Variants in ITSN2 observed in about 807,000 individuals in gnomAD.
The protein encoded by ITSN2 is intersectin 2, also known as intersectin-2.
Under a neutral mutation model 243.7 loss-of-function variants are expected in ITSN2, and 156 were observed. The ratio of observed to expected loss-of-function variants is 0.64; its 90% CI spans 0.56 to 0.73. ITSN2 has a LOEUF of 0.73. Among genes scored for constraint, ITSN2 ranks in the 30% least tolerant of loss-of-function variants. ITSN2 has a pLI of 0.00. For missense variants in ITSN2, 1,801 were observed against 1,996.1 expected (o/e 0.90, Z 1.86); for synonymous variants, 703 against 699.9 (o/e 1.00, Z -0.07).
chr2:24,204,618 T>TG lies in ITSN2; in HGVS notation c.4763-201dup. On this transcript the variant is annotated intron_variant, in intron 38 of 39. Transcript: ENST00000355123. This position sits in a 1 kb window ranked among gnomAD's most constrained non-coding sequence, Gnocchi z 5.1. ...TCCCAGTGCTGACAGCAGCATTAAC[T>TG]GGGGAGTGGCCGAGAGCTCCACCGC... The TG allele has an allele frequency of 1.5e-6, 1 of 663,356 alleles. No homozygotes were observed. Among genetic ancestry groups the TG allele is most frequent in the Non-Finnish European group, 2.8e-6 (1 of 360,646 alleles). 41.1% of individuals were successfully genotyped at this position (663,356 alleles called of 1,614,324 possible).
At position 24,246,324 on chromosome 2, in the gene ITSN2, T is replaced by G. The variant is rs757009006; in HGVS notation, c.3386-4A>C. 6.3e-7 allele frequency: 1 copy of G among 1,578,218 alleles called. No individual in the cohort carries two copies. ...TACATAGCAATCACCTGACATACTATCACAAGAATAACAAAATAACACATT... is the reference window on the plus strand; with the variant it reads ...TACATAGCAATCACCTGACATACTAGCACAAGAATAACAAAATAACACATT... On this transcript the variant is annotated splice_polypyrimidine_tract_variant and splice_region_variant and intron_variant, in intron 28 of 39. Coordinates refer to ENST00000355123, the MANE Select transcript of ITSN2 (RefSeq NM_006277.3).
At chr2:24,357,686 TA>T (rs1188565720) in intron 1 of ITSN2, among the ~76,000 whole-genome samples, 1 of 152,064 alleles carries the variant, frequency 6.6e-6, no homozygotes, top group African/African-American at 2.4e-5. Flanking sequence ...AAAAAGGTAC[TA>T]AAAAAACTTG....
chr2:24,302,172 AT>A, intron 9 of ITSN2, 70 bp from the exon 10 acceptor site: 3 of 916,268 alleles, frequency 3.3e-6, no homozygotes, highest in Non-Finnish European at 4.7e-6. Flanking sequence ...TAAAAGTTCA[AT>A]TTTTATTTTA....
At chr2:24,344,331 T>C (rs924668457) in intron 1 of ITSN2, among the ~76,000 whole-genome samples, 3 of 152,212 alleles carry the variant, frequency 2.0e-5, no homozygotes, top group Non-Finnish European at 4.4e-5. Flanking sequence ...GTAGAATTAA[T>C]GGGTATCAAG....
intron 29 of ITSN2, among the ~76,000 whole-genome samples, chr2:24,236,372 C>T (rs1672150055): frequency 6.6e-6 from 1 of 152,052 alleles, no homozygotes. Context: ...GGGGTGATAG[C>T]TAAATTGTAC....
At chr2:24,291,553 G>A (rs371696532) in intron 15 of ITSN2, among the ~76,000 whole-genome samples, 18 of 144,250 alleles carry the variant, frequency 1.2e-4, no homozygotes, top group African/African-American at 4.4e-4. Flanking sequence ...GCAGCGGTGC[G>A]ATCTCAGCTC....
chr2:24,209,055 C>G, intron 36 of ITSN2, 45 bp downstream of exon 36: 1 of 1,604,706 alleles, frequency 6.2e-7, no homozygotes, highest in Non-Finnish European at 8.5e-7. Context: ...GACGTCCAGG[C>G]CTTCTCCCAG....
intron 29 of ITSN2, among the ~76,000 whole-genome samples, chr2:24,234,954 C>G (rs918421154): frequency 6.6e-6 from 1 of 152,156 alleles, no homozygotes. Context: ...ACTAAACATA[C>G]TCTTAAACCA....
chr2:24,256,773 T>A (rs1334014224), intron 23 of ITSN2, among the ~76,000 whole-genome samples: 1 of 152,096 alleles, frequency 6.6e-6, no homozygotes, highest in African/African-American at 2.4e-5. Context: ...AAGACATGCA[T>A]CCCAGCCTCA....
intron 18 of ITSN2, among the ~76,000 whole-genome samples, chr2:24,273,264 C>T (rs1444011146): frequency 6.6e-6 from 1 of 152,174 alleles, no homozygotes; most frequent in African/African-American, 2.4e-5. Flanking sequence ...TCCAAACCTC[C>T]TTCATCCTCT....
chr2:24,242,113 T>C (rs1031930723), intron 29 of ITSN2: 1 of 152,564 alleles, frequency 6.6e-6, no homozygotes, highest in East Asian at 1.9e-4. Context: ...TAGGAGATAT[T>C]TGATCAGGGC....
intron 36 of ITSN2, 102 bp from the exon 37 acceptor site, chr2:24,208,421 A>C (rs764273882): frequency 2.4e-6 from 2 of 839,768 alleles, no homozygotes; most frequent in Non-Finnish European, 3.9e-6. Flanking sequence ...TGCTAACCTC[A>C]ACTTTCACAA....
intron 29 of ITSN2, among the ~76,000 whole-genome samples, chr2:24,228,921 T>C (rs566514066): frequency 6.6e-6 from 1 of 152,174 alleles, no homozygotes; most frequent in East Asian, 1.9e-4. Context: ...GAAAAAGCTA[T>C]CCAAATAAAA....
At chr2:24,278,986 T>C (rs959898912) in intron 17 of ITSN2, among the ~76,000 whole-genome samples, 7 of 152,228 alleles carry the variant, frequency 4.6e-5, no homozygotes, top group Admixed American at 3.3e-4. Flanking sequence ...TGATAGATTA[T>C]CTCTTTTACG....
At chr2:24,301,132 C>G in intron 11 of ITSN2, 22 bp downstream of exon 11, 2 of 1,358,116 alleles carry the variant, frequency 1.5e-6, no homozygotes, top group Non-Finnish European at 2.1e-6. Context: ...TATAAATATA[C>G]AACTTTGACA....
intron 15 of ITSN2, among the ~76,000 whole-genome samples, chr2:24,292,692 C>T (rs1377679861): frequency 6.6e-6 from 1 of 152,178 alleles, no homozygotes; most frequent in African/African-American, 2.4e-5. Flanking sequence ...TCTCTAGAGA[C>T]TTAACTGCCC....
intron 20 of ITSN2, among the ~76,000 whole-genome samples, chr2:24,269,302 C>T (rs1177863315): frequency 6.6e-6 from 1 of 152,164 alleles, no homozygotes; most frequent in Non-Finnish European, 1.5e-5. Context: ...TCTGGAGATC[C>T]AACTACTACT....
chr2:24,268,979 A>G (rs886695651), intron 20 of ITSN2, among the ~76,000 whole-genome samples: 5 of 152,044 alleles, frequency 3.3e-5, no homozygotes, highest in Non-Finnish European at 5.9e-5. Flanking sequence ...GCTATTGCTA[A>G]TCTAATAATT....
Position 24,252,468 on chromosome 2 carries a change from A to C in ITSN2, c.2997T>G (p.Asp999Glu). The C allele has an allele frequency of 6.2e-7, 1 of 1,612,844 alleles. No individual in the cohort carries two copies. The highest frequency in any genetic ancestry group is 8.5e-7 in the Non-Finnish European group (1 of 1,179,014). The change falls in exon 25 of 40, where the codon GAT (aspartate) becomes GAG (glutamate). Residue 999 changes from aspartate to glutamate, a missense_variant. Physicochemically the swap from Asp to Glu is conservative, Grantham distance 45. This residue lies in a region of ITSN2 where 928 missense variants were observed against 1,065.4 expected (regional missense o/e 0.87). Coordinates refer to ENST00000355123, the MANE Select transcript of ITSN2 (RefSeq NM_006277.3). ...TTTCTTCACCTTCTGTGAAAGTCAAATCTCCAGGTTCCACACTTGAATATG... is the reference window on the plus strand; with the variant it reads ...TTTCTTCACCTTCTGTGAAAGTCAACTCTCCAGGTTCCACACTTGAATATG... ...LYPYSSVEPG[D>E]LTFTEGEEIL...
Sources: allele counts gnomAD v4.1 joint callset (sites outside exome capture counted in the v4.1 genomes callset), GRCh38; gene constraint gnomAD v4.1.1; regional missense constraint gnomAD v4.1.1; non-coding constraint Gnocchi (gnomAD v3.1); transcripts MANE v1.5; gene names NCBI Gene and HGNC (gene_info 2026-07-23, HGNC 2026-07-21).